LTBP1: variants seen among roughly 807,000 people sequenced by gnomAD.
The protein encoded by LTBP1 is latent transforming growth factor beta binding protein 1, also known as latent-transforming growth factor beta-binding protein 1.
Under a neutral mutation model 207.6 loss-of-function variants are expected in LTBP1, and 129 were observed. The observed-to-expected ratio is 0.62, with a 90% CI of 0.54 to 0.72. The LOEUF (loss-of-function observed/expected upper bound fraction) is 0.72, where lower values mean the gene tolerates loss of function less well. Ranked by LOEUF, LTBP1 falls within the 30% of genes least tolerant of loss-of-function variation. LTBP1 has a pLI of 0.00. For missense variants in LTBP1, 2,281 were observed against 2,217.2 expected (o/e 1.03, Z -0.58); for synonymous variants, 963 against 833.7 (o/e 1.16, Z -2.67).
At chr2:33,207,889 T>G (rs1020213427) in intron 7 of LTBP1, among the ~76,000 whole-genome samples, 1 of 152,220 alleles carries the variant, frequency 6.6e-6, no homozygotes, top group Non-Finnish European at 1.5e-5. Context: ...CTCAGAACAT[T>G]GTCAGGAGTC....
Position 33,065,373 on chromosome 2 carries a change from A to G in LTBP1, c.863+44167A>G, listed in dbSNP as rs1478581999. ...GTTTGAGACCATCCTGGGTAACACA[A>G]TGAGACTCCATCTCTACAAAAAATA... is the stretch of plus-strand genomic sequence containing the variant. On this transcript the variant is annotated intron_variant, in intron 3 of 33. Transcript: ENST00000404816. 2.0e-5 allele frequency among the ~76,000 whole-genome samples: 3 copies of G among 152,236 alleles called. No individual in the cohort carries two copies. The East Asian group carries it at 5.8e-4, about 29-fold the overall frequency.
chr2:33,053,821 A>G (rs2076860415), intron 3 of LTBP1, among the ~76,000 whole-genome samples: 1 of 152,200 alleles, frequency 6.6e-6, no homozygotes, highest in Admixed American at 6.5e-5. Flanking sequence ...AGAAAGTTCA[A>G]GAGATCTAGA....
chr2:33,159,342 C>A (rs981698045), intron 5 of LTBP1, among the ~76,000 whole-genome samples: 1 of 152,176 alleles, frequency 6.6e-6, no homozygotes, highest in African/African-American at 2.4e-5. Flanking sequence ...CCCAGCCAAT[C>A]CAGCAGCCAC....
chr2:33,114,085 G>A (rs369227965), intron 4 of LTBP1, among the ~76,000 whole-genome samples: 21 of 152,232 alleles, frequency 1.4e-4, no homozygotes, highest in African/African-American at 4.1e-4. Context: ...CAAGTGATCC[G>A]CCCACTTTGG....
chr2:33,249,323 T>TCACACACACACACACACA (rs61249844), intron 10 of LTBP1, among the ~76,000 whole-genome samples: 22 of 141,426 alleles, frequency 1.6e-4, no homozygotes, highest in South Asian at 2.4e-4. Flanking sequence ...GTCTGATTTT[T>TCACACACACACACACACA]CACACACACA....
Position 33,030,012 on chromosome 2 carries a change from G to C in LTBP1, c.863+8806G>C, listed in dbSNP as rs529007918. Among the ~76,000 whole-genome samples, 4 of 152,254 alleles carry C rather than the reference G, an allele frequency of 2.6e-5. No homozygotes were observed. In the East Asian group the frequency reaches 7.7e-4, roughly 29 times the overall value. On this transcript the variant is annotated intron_variant, in intron 3 of 33. Coordinates refer to ENST00000404816, the MANE Select transcript of LTBP1 (RefSeq NM_206943.4). Reference sequence around the variant, plus strand: ...AGCTGGACTGTCTACTGTAGACACAGAATTTATTTTTTAAAAAACTCTCTT... The same window carrying C: ...AGCTGGACTGTCTACTGTAGACACACAATTTATTTTTTAAAAAACTCTCTT...
chr2:33,062,810 T>C (rs1057435236), intron 3 of LTBP1, among the ~76,000 whole-genome samples: 2 of 152,154 alleles, frequency 1.3e-5, no homozygotes, highest in Non-Finnish European at 2.9e-5. Context: ...AAGTGACGAA[T>C]GTGTGGGTAG....
At chr2:33,074,552 C>G (rs117077766) in intron 3 of LTBP1, among the ~76,000 whole-genome samples, 1 of 151,924 alleles carries the variant, frequency 6.6e-6, no homozygotes, top group Non-Finnish European at 1.5e-5. Context: ...GCCTCGCCAA[C>G]GAAAACCCTG....
At chr2:33,088,710 G>A (rs1270319725) in intron 3 of LTBP1, among the ~76,000 whole-genome samples, 1 of 152,130 alleles carries the variant, frequency 6.6e-6, no homozygotes, top group Non-Finnish European at 1.5e-5. Context: ...GGTACATAAA[G>A]GTAGCAAGAA....
chr2:33,388,676 G>A (rs2095288677), intron 31 of LTBP1, among the ~76,000 whole-genome samples: 1 of 152,152 alleles, frequency 6.6e-6, no homozygotes, highest in South Asian at 2.1e-4. Flanking sequence ...AGAGACTGTA[G>A]AGTTATAATC....
intron 2 of LTBP1, among the ~76,000 whole-genome samples, chr2:32,967,274 T>A (rs1680153146): frequency 6.6e-6 from 1 of 152,082 alleles, no homozygotes; most frequent in African/African-American, 2.4e-5. Flanking sequence ...TAGCTTTTGG[T>A]TTCATTTATT....
intron 3 of LTBP1, among the ~76,000 whole-genome samples, chr2:33,098,356 T>C (rs2079511775): frequency 6.6e-6 from 1 of 152,270 alleles, no homozygotes; most frequent in Admixed American, 6.5e-5. Context: ...CTGTATCTTA[T>C]GCCCTAATTT....
intron 3 of LTBP1, among the ~76,000 whole-genome samples, chr2:33,030,003 G>A (rs916972524): frequency 2.0e-5 from 3 of 152,142 alleles, no homozygotes; most frequent in African/African-American, 7.2e-5. Flanking sequence ...ACTGTCTACT[G>A]TAGACACAGA....
chr2:33,173,631 G>C (rs1419999059), intron 5 of LTBP1, among the ~76,000 whole-genome samples: 1 of 151,496 alleles, frequency 6.6e-6, no homozygotes, highest in Admixed American at 6.6e-5. Flanking sequence ...TGGAAAAAGA[G>C]GGAATCCTCC....
chr2:33,282,379 TTG>T (rs2093576947), intron 19 of LTBP1, among the ~76,000 whole-genome samples: 1 of 152,212 alleles, frequency 6.6e-6, no homozygotes, highest in Non-Finnish European at 1.5e-5. Context: ...ATTGTTCATA[TTG>T]GACTTGCAGC....
chr2:33,322,145 T>C (rs538170036), intron 24 of LTBP1, among the ~76,000 whole-genome samples: 1 of 152,250 alleles, frequency 6.6e-6, no homozygotes, highest in East Asian at 1.9e-4. Context: ...TTTTTTTTTT[T>C]TTATCACTGC....
At chr2:33,107,631 C>T (rs1297796155) in intron 3 of LTBP1, among the ~76,000 whole-genome samples, 2 of 152,116 alleles carry the variant, frequency 1.3e-5, no homozygotes, top group Non-Finnish European at 2.9e-5. Context: ...TTCATCAGTA[C>T]AGAGTATTTA....
rs570359549 is a variant in LTBP1, at chr2:33,280,175, A to G, written c.3112+17A>G. On this transcript the variant is annotated intron_variant, in intron 19 of 33. Coordinates refer to ENST00000404816, the MANE Select transcript of LTBP1 (RefSeq NM_206943.4). ...AGTGCCTTGGTAGGTACTATAGTGT[A>G]CTTATCAAAGATTTGTTTCTTCTGC... 1.9e-5 allele frequency: 31 copies of G among 1,596,154 alleles called. No individual in the cohort carries two copies. The East Asian group carries it at 4.3e-4, about 22-fold the overall frequency.
At chr2:33,241,830 T>C (rs1410993169) in intron 9 of LTBP1, among the ~76,000 whole-genome samples, 2 of 152,206 alleles carry the variant, frequency 1.3e-5, no homozygotes, top group African/African-American at 4.8e-5. Context: ...CTCTTCCTGG[T>C]CCTTCATGGT....
Sources: allele counts gnomAD v4.1 joint callset (sites outside exome capture counted in the v4.1 genomes callset), GRCh38; gene constraint gnomAD v4.1.1; transcripts MANE v1.5; gene names NCBI Gene and HGNC (gene_info 2026-07-23, HGNC 2026-07-21).